CCDC77: variants seen among roughly 807,000 people sequenced by gnomAD.
CCDC77 encodes coiled-coil domain-containing protein 77.
CCDC77 carries 56 observed loss-of-function variants against 66.8 expected under a neutral mutation model. That is an observed-to-expected ratio of 0.84 (90% confidence interval 0.68 to 1.05). CCDC77 has a LOEUF of 1.05. Ranked by LOEUF, CCDC77 falls within the 50% of genes least tolerant of loss-of-function variation. The probability of loss-of-function intolerance (pLI) is 0.00; values close to 1 mark genes in which losing one functional copy is unlikely to be tolerated. For synonymous variants in CCDC77, 196 were observed against 195.2 expected (o/e 1.00, Z -0.03); for missense variants, 570 against 576.8 (o/e 0.99, Z 0.12).
intron 10 of CCDC77, among the ~76,000 whole-genome samples, chr12:440,085 C>T (rs1202068817): frequency 9.2e-5 from 14 of 152,170 alleles, no homozygotes; most frequent in African/African-American, 2.9e-4. Context: ...AAGTGGTATG[C>T]TCTTTAAGAA....
chr12:426,267 C>A (rs547456892), intron 5 of CCDC77, among the ~76,000 whole-genome samples: 9 of 152,284 alleles, frequency 5.9e-5, no homozygotes, highest in Admixed American at 2.0e-4. Context: ...TGAACTGCCT[C>A]TGGTCTTTTG....
At chr12:416,305 TTATG>T (rs1289001117) in intron 4 of CCDC77, among the ~76,000 whole-genome samples, 8 of 117,488 alleles carry the variant, frequency 6.8e-5, no homozygotes, top group East Asian at 3.6e-4. Context: ...TGTTAAGTGT[TTATG>T]TGTGTGTGTG....
intron 4 of CCDC77, among the ~76,000 whole-genome samples, chr12:417,315 C>T (rs1945304809): frequency 6.6e-6 from 1 of 152,060 alleles, no homozygotes. Flanking sequence ...TTCTTATTTA[C>T]AGTTCTCTTT....
chr12:428,159 C>A (rs1371956920), intron 5 of CCDC77, among the ~76,000 whole-genome samples: 4 of 152,088 alleles, frequency 2.6e-5, no homozygotes, highest in African/African-American at 9.7e-5. Context: ...AGCCCATCAG[C>A]CCCGAAGAGC....
intron 4 of CCDC77, among the ~76,000 whole-genome samples, chr12:416,158 C>T (rs1945252137): frequency 6.6e-6 from 1 of 151,068 alleles, no homozygotes; most frequent in African/African-American, 2.4e-5. Flanking sequence ...CTAGGATGGT[C>T]TTGAACTCCT....
chr12:399,938 G>A (rs919374907), upstream of CCDC77, among the ~76,000 whole-genome samples: 31 of 152,206 alleles, frequency 2.0e-4, no homozygotes, highest in African/African-American at 7.5e-4. Flanking sequence ...AGCTACAAAA[G>A]TACTACTTGG....
intron 5 of CCDC77, among the ~76,000 whole-genome samples, chr12:425,609 G>A (rs933973684): frequency 2.6e-5 from 4 of 151,982 alleles, no homozygotes; most frequent in Non-Finnish European, 4.4e-5. Flanking sequence ...TTCCTTCTTG[G>A]TGGTAGCATG....
In CCDC77 at chr12:441,807, G is replaced by C; in HGVS notation, c.1354G>C (p.Ala452Pro). ...TAATGCCCGGGCAAACCAGGATCTT[G>C]CCCTTCTGTGTGAGGTCCGTGACAG... Reference protein sequence around the residue: ...TVNARANQDLALLCEVRDSNR... With the variant: ...TVNARANQDLPLLCEVRDSNR... Residue 452 changes from alanine to proline, a missense_variant, in exon 13 of 13, where the codon GCC (alanine) becomes CCC (proline). Transcript: ENST00000239830. 1 of 1,602,022 alleles carries C rather than the reference G, an allele frequency of 6.2e-7. No individual in the cohort carries two copies. The highest frequency in any genetic ancestry group is 8.5e-7 in the Non-Finnish European group (1 of 1,176,254).
chr12:414,866 G>A (rs1021124494), intron 4 of CCDC77, among the ~76,000 whole-genome samples: 6 of 152,118 alleles, frequency 3.9e-5, no homozygotes, highest in African/African-American at 1.4e-4. Flanking sequence ...AACTGTGACG[G>A]TGTCCTCCTT....
chr12:411,740 C>A lies in CCDC77; in HGVS notation c.39-7C>A. ...GTGATGAATATATCATTTCTAATTT[C>A]ACGTAGGCGAACAGTTGTCTCCAAA... On this transcript the variant is annotated splice_region_variant and splice_polypyrimidine_tract_variant and intron_variant, in intron 3 of 12. Coordinates refer to ENST00000239830, the MANE Select transcript of CCDC77 (RefSeq NM_032358.4). 6.2e-7 allele frequency: 1 copy of A among 1,606,740 alleles called. No homozygotes were observed. Among genetic ancestry groups the A allele is most frequent in the Admixed American group, 1.7e-5 (1 of 58,890 alleles).
chr12:416,960 C>T (rs1196410189), intron 4 of CCDC77, among the ~76,000 whole-genome samples: 1 of 151,414 alleles, frequency 6.6e-6, no homozygotes, highest in Non-Finnish European at 1.5e-5. Flanking sequence ...ACCAACATGG[C>T]AAAACCTGTC....
chr12:413,247 G>GT (rs1053562192), intron 4 of CCDC77, among the ~76,000 whole-genome samples: 7 of 135,700 alleles, frequency 5.2e-5, no homozygotes, highest in South Asian at 4.7e-4. Context: ...CTGTTTTTTT[G>GT]TTTTTTTGAG....
chr12:414,156 A>G (rs534944448), intron 4 of CCDC77, among the ~76,000 whole-genome samples: 2 of 151,040 alleles, frequency 1.3e-5, no homozygotes, highest in South Asian at 2.1e-4. Flanking sequence ...CAATGGCACA[A>G]TCTCGGCTCA....
intron 2 of CCDC77, among the ~76,000 whole-genome samples, chr12:408,556 G>A (rs1291725479): frequency 6.6e-6 from 1 of 152,046 alleles, no homozygotes; most frequent in African/African-American, 2.4e-5. Context: ...GTGGGGGCAG[G>A]GGAAGTCAAT....
At chr12:408,453 G>A (rs560630289) in intron 2 of CCDC77, among the ~76,000 whole-genome samples, 1 of 152,286 alleles carries the variant, frequency 6.6e-6, no homozygotes, top group Admixed American at 6.5e-5. Flanking sequence ...GCGAAATAAA[G>A]ATAGCATCAG....
chr12:400,505 C>T, upstream of CCDC77, among the ~76,000 whole-genome samples: 1 of 152,138 alleles, frequency 6.6e-6, no homozygotes, highest in East Asian at 1.9e-4. Flanking sequence ...TGTGACTCTT[C>T]CTTTCACTTG....
At chr12:416,334 G>GGT (rs752778079) in intron 4 of CCDC77, among the ~76,000 whole-genome samples, 2 of 50,784 alleles carry the variant, frequency 3.9e-5, no homozygotes, top group African/African-American at 1.8e-4. Flanking sequence ...TGAGTCTGTG[G>GGT]GTGTGTGGGG....
chr12:433,281 G>A lies in CCDC77; in HGVS notation c.780G>A (p.Gln260=), dbSNP rs747700955. The A allele has an allele frequency of 1.2e-6, 2 of 1,614,004 alleles. No individual in the cohort carries two copies. Among genetic ancestry groups the A allele is most frequent in the South Asian group, 2.2e-5 (2 of 91,058 alleles). The change falls in exon 9 of 13, where the codon CAG becomes CAA. Residue 260 remains glutamine, a synonymous_variant. Transcript: ENST00000239830. The part of the protein sequence containing the change: ...RRIHLEEIQV[Q]HQRNQNKIKE... ...TTCACCTTGAGGAAATACAAGTTCA[G>A]CACCAGAGAAATCAGAACAAAATCA...
In CCDC77 at chr12:423,114, C is replaced by CTTTTTTTTT. The variant is rs139334337; in HGVS notation, c.413+4494_413+4502dup. ...ATTTTCTTTTTTTTTTCTTTTAAGC[C>CTTTTTTTTT]TTTTTTTTTTTTTTTTTTTTTTTTG... On this transcript the variant is annotated intron_variant, in intron 5 of 12. Transcript: ENST00000239830. 1.9e-3 allele frequency among the ~76,000 whole-genome samples: 140 copies of CTTTTTTTTT among 74,574 alleles called. 1 individual carries two copies. The highest frequency in any genetic ancestry group is 2.7e-3 in the Non-Finnish European group (116 of 43,078). The allele number at this position is 74,574 out of a possible 152,430, so 48.9% of individuals were successfully genotyped here.
Sources: gnomAD v4.1 joint callset for allele counts (sites outside exome capture counted in the v4.1 genomes callset) on GRCh38, gnomAD v4.1.1 for gene constraint, MANE v1.5 for transcripts, NCBI Gene and HGNC (gene_info 2026-07-23, HGNC 2026-07-21) for gene names.